The following TUBGCP3 variants were observed in gnomAD, a reference collection of about 807,000 sequenced individuals.
TUBGCP3 encodes gamma-tubulin complex component 3.
A neutral mutation model predicts 123.1 loss-of-function variants in TUBGCP3; 50 were observed. That is an observed-to-expected ratio of 0.41 (90% confidence interval 0.32 to 0.51). TUBGCP3 has a LOEUF of 0.51. TUBGCP3 is among the 20% of genes least tolerant of loss of function. TUBGCP3 has a pLI of 0.36. For synonymous variants in TUBGCP3, 405 were observed against 413.9 expected, an observed-to-expected ratio of 0.98 and a Z score of 0.26; for missense variants, 882 against 1,127.0, an observed-to-expected ratio of 0.78 and a Z score of 3.11.
chr13:112,602,998 GC>G, the TUBGCP3 span: 3 of 152,188 alleles, frequency 2.0e-5, no homozygotes, highest in Non-Finnish European at 4.4e-5. Context: ...TTAAAAAGCA[GC>G]TGATTTAATA....
At chr13:112,498,065 C>T (rs949637941) in intron 20 of TUBGCP3, among the ~76,000 whole-genome samples, 7 of 152,062 alleles carry the variant, frequency 4.6e-5, no homozygotes, top group Admixed American at 2.6e-4. Flanking sequence ...CCTGTAAACA[C>T]ACATATATGC....
At chr13:112,580,173 G>A (rs1882181930) in intron 1 of TUBGCP3, among the ~76,000 whole-genome samples, 2 of 152,116 alleles carry the variant, frequency 1.3e-5, no homozygotes, top group African/African-American at 4.8e-5. Flanking sequence ...AAGGCAAAAT[G>A]GTAGCACAGA....
At chr13:112,566,534 A>G (rs1880961657) in intron 2 of TUBGCP3, among the ~76,000 whole-genome samples, 1 of 152,232 alleles carries the variant, frequency 6.6e-6, no homozygotes, top group African/African-American at 2.4e-5. Context: ...AACTCTTCCT[A>G]TATGGAAAAG....
intron 20 of TUBGCP3, among the ~76,000 whole-genome samples, chr13:112,498,012 G>C (rs1202877407): frequency 1.3e-5 from 2 of 151,962 alleles, no homozygotes; most frequent in Admixed American, 1.3e-4. Flanking sequence ...CAGAAATTTG[G>C]TTCATGTACA....
intron 11 of TUBGCP3, among the ~76,000 whole-genome samples, chr13:112,535,255 T>C (rs1477555017): frequency 2.0e-5 from 3 of 152,274 alleles, no homozygotes; most frequent in Non-Finnish European, 2.9e-5. Flanking sequence ...TGAATGTTCA[T>C]AGACAAGTTT....
chr13:112,602,267 G>C, the TUBGCP3 span, among the ~76,000 whole-genome samples: 2 of 152,186 alleles, frequency 1.3e-5, no homozygotes, highest in Non-Finnish European at 2.9e-5. Context: ...AGCATCAAGG[G>C]AGAAATCTGA....
intron 19 of TUBGCP3, among the ~76,000 whole-genome samples, chr13:112,502,531 G>A (rs1880986325): frequency 6.8e-6 from 1 of 148,054 alleles, no homozygotes; most frequent in African/African-American, 2.5e-5. Flanking sequence ...ACCTCAAGAA[G>A]TACATTTCTT....
the TUBGCP3 span, among the ~76,000 whole-genome samples, chr13:112,598,658 A>AT: frequency 1.3e-5 from 2 of 152,160 alleles, no homozygotes; most frequent in African/African-American, 4.8e-5. Flanking sequence ...TAAAGAGTAA[A>AT]TTATCGCCGG....
intron 19 of TUBGCP3, among the ~76,000 whole-genome samples, chr13:112,500,846 T>C (rs1334552877): frequency 6.6e-6 from 1 of 152,266 alleles, no homozygotes; most frequent in Non-Finnish European, 1.5e-5. Context: ...TTTTCCGTTA[T>C]GAAAGCATGG....
At chr13:112,536,995 CA>C (rs1447303127) in intron 11 of TUBGCP3, among the ~76,000 whole-genome samples, 3 of 152,000 alleles carry the variant, frequency 2.0e-5, no homozygotes, top group African/African-American at 7.3e-5. Context: ...AGACTGGTCT[CA>C]AACTCTGACC....
chr13:112,554,848 C>A, intron 7 of TUBGCP3, 39 bp downstream of exon 7: 1 of 1,447,336 alleles, frequency 6.9e-7, no homozygotes, highest in East Asian at 2.3e-5. Flanking sequence ...CATGTTTTTT[C>A]TTTCTGAATA....
intron 1 of TUBGCP3, among the ~76,000 whole-genome samples, chr13:112,578,576 A>AG (rs1435265515): frequency 6.7e-6 from 1 of 148,490 alleles, no homozygotes; most frequent in East Asian, 1.9e-4. Flanking sequence ...AAAAAAAAAA[A>AG]AAAAAAAAAA....
At chr13:112,594,134 T>C in the TUBGCP3 span, among the ~76,000 whole-genome samples, 2 of 152,156 alleles carry the variant, frequency 1.3e-5, no homozygotes, top group Admixed American at 1.3e-4. Context: ...TTACAGGAAA[T>C]AGAGACAAAA....
At chr13:112,561,359 G>C (rs750896312) in intron 3 of TUBGCP3, among the ~76,000 whole-genome samples, 2 of 152,198 alleles carry the variant, frequency 1.3e-5, no homozygotes, top group Non-Finnish European at 2.9e-5. Flanking sequence ...ATTAAATCCT[G>C]TCATCGTCAC....
intron 20 of TUBGCP3, among the ~76,000 whole-genome samples, chr13:112,490,311 A>T (rs1482559186): frequency 6.6e-6 from 1 of 152,226 alleles, no homozygotes; most frequent in East Asian, 1.9e-4. Flanking sequence ...GCTGGAGTAC[A>T]ATGGCATGAT....
intron 1 of TUBGCP3, among the ~76,000 whole-genome samples, chr13:112,586,021 C>T (rs957632993): frequency 7.6e-4 from 115 of 151,958 alleles, no homozygotes; most frequent in African/African-American, 2.7e-3. Context: ...GGGTGCATCA[C>T]GAGGTCAGGA....
intron 19 of TUBGCP3, 81 bp from the exon 20 acceptor site, chr13:112,499,266 G>A: frequency 6.8e-7 from 1 of 1,478,964 alleles, no homozygotes; most frequent in Non-Finnish European, 9.0e-7. Flanking sequence ...TTAGTGAAAA[G>A]ATATTAGAAA....
At chr13:112,527,560 G>A (rs544830093) in intron 11 of TUBGCP3, 76 bp from the exon 12 acceptor site, 10 of 1,030,478 alleles carry the variant, frequency 9.7e-6, no homozygotes, top group South Asian at 5.4e-5. Flanking sequence ...ACATCAAAGA[G>A]TAAGTTATTC....
intron 17 of TUBGCP3, among the ~76,000 whole-genome samples, chr13:112,515,038 TATAA>T (rs1426446440): frequency 2.6e-5 from 4 of 152,298 alleles, no homozygotes; most frequent in African/African-American, 4.8e-5. Context: ...ATCCTAGCGA[TATAA>T]ATAAATTTTA....
Sources: gnomAD v4.1 joint callset for allele counts (sites outside exome capture counted in the v4.1 genomes callset) on GRCh38, gnomAD v4.1.1 for gene constraint, MANE v1.5 for transcripts, NCBI Gene and HGNC (gene_info 2026-07-23, HGNC 2026-07-21) for gene names.